Variants in GPRIN3 observed in about 807,000 individuals in gnomAD.
GPRIN3 encodes the protein GPRIN family member 3.
Under a neutral mutation model 13.7 loss-of-function variants are expected in GPRIN3, and 12 were observed. The observed-to-expected ratio is 0.87, with a 90% CI of 0.56 to 1.42. The LOEUF is 1.42. Among genes scored for constraint, GPRIN3 ranks in the 40% most tolerant of loss-of-function variants. The probability of loss-of-function intolerance (pLI) is 0.00; values close to 1 mark genes in which losing one functional copy is unlikely to be tolerated. For synonymous variants in GPRIN3, 377 were observed against 372.7 expected, an observed-to-expected ratio of 1.01 and a Z score of -0.13; for missense variants, 1,009 against 958.7, an observed-to-expected ratio of 1.05 and a Z score of -0.69.
At chr4:89,278,312 C>G (rs1041485055) in intron 1 of GPRIN3, among the ~76,000 whole-genome samples, 1 of 152,168 alleles carries the variant, frequency 6.6e-6, no homozygotes. Flanking sequence ...CTCCAAAATT[C>G]TGTAAAAACA....
In GPRIN3 at chr4:89,247,919, G is replaced by T. The variant is rs202172344; in HGVS notation, c.2192C>A (p.Thr731Asn). ...AGTATCTGAGGAAATGGATCTCCGG[G>T]TCTGGCTATTTTGAGTTTTGATTAA... ...EKLIKTQNSQ[T>N]RRSISSDTSS... The change falls in exon 2 of 2, where the codon ACC (threonine) becomes AAC (asparagine). Residue 731 changes from threonine (T) to asparagine (N), a missense_variant. Physicochemically the swap from Thr to Asn is moderately conservative, Grantham distance 65. Coordinates refer to ENST00000609438, the MANE Select transcript of GPRIN3 (RefSeq NM_198281.3). 1.1e-4 allele frequency: 185 copies of T among 1,614,180 alleles called. No individual in the cohort carries two copies. In the East Asian group the frequency reaches 1.9e-3, roughly 17 times the overall value.
chr4:89,275,136 CTGTG>C (rs56091424), intron 1 of GPRIN3, among the ~76,000 whole-genome samples: 7 of 149,148 alleles, frequency 4.7e-5, no homozygotes, highest in East Asian at 2.0e-4. Flanking sequence ...CTAAGTAACT[CTGTG>C]TGTGTGTGTG....
In GPRIN3 at chr4:89,281,474, G is replaced by A. The variant is rs146648253; in HGVS notation, c.-124+26141C>T. On this transcript the variant is annotated intron_variant, in intron 1 of 1. Transcript: ENST00000609438. ...TCTCACAGAGAAGTCACTCACTGTC[G>A]TGAAGACAGCACTAAGAGGATGGTA... Among the ~76,000 whole-genome samples, 560 of 152,250 alleles carry A rather than the reference G, an allele frequency of 3.7e-3. 3 individuals carry two copies. Among genetic ancestry groups the A allele is most frequent in the African/African-American group, 0.012 (493 of 41,544 alleles).
chr4:89,261,982 C>T (rs996202018), intron 1 of GPRIN3, among the ~76,000 whole-genome samples: 2 of 151,820 alleles, frequency 1.3e-5, no homozygotes, highest in Non-Finnish European at 2.9e-5. Flanking sequence ...ATTAGCCTGG[C>T]ATGGTGGCAC....
At chr4:89,293,994 GTATGT>G (rs1197909906) in intron 1 of GPRIN3, among the ~76,000 whole-genome samples, 1 of 152,188 alleles carries the variant, frequency 6.6e-6, no homozygotes, top group African/African-American at 2.4e-5. Flanking sequence ...CTGAGCCTAA[GTATGT>G]TATTTTATTC....
rs1722859130 is a variant in GPRIN3 at position 89,239,171 on chromosome 4, G to A, written c.*8609C>T. On this transcript the variant is annotated 3_prime_UTR_variant, in exon 2 of 2. Transcript: ENST00000609438. ...GACATTATAAAAAAACATAACTTTG[G>A]ATTTTAATATTAATACATTCATAAA... The A allele has an allele frequency of 2.0e-5, 3 of 151,850 alleles. No homozygotes were observed. The highest frequency in any genetic ancestry group is 1.3e-4 in the Admixed American group (2 of 15,250). 9.4% of individuals were successfully genotyped at this position (151,850 alleles called of 1,614,324 possible).
At chr4:89,258,976 G>A (rs935697721) in intron 1 of GPRIN3, among the ~76,000 whole-genome samples, 3 of 152,188 alleles carry the variant, frequency 2.0e-5, no homozygotes, top group Admixed American at 1.3e-4. Context: ...AAACAATCGT[G>A]AGTTATTATT....
chr4:89,290,184 G>T (rs759978121), intron 1 of GPRIN3, among the ~76,000 whole-genome samples: 13 of 151,740 alleles, frequency 8.6e-5, no homozygotes, highest in Non-Finnish European at 1.9e-4. Flanking sequence ...TTGCAGGCTG[G>T]CCTCAAACTC....
In GPRIN3 at chr4:89,248,566, A is replaced by G. The variant is rs1274761730; in HGVS notation, c.1545T>C (p.Cys515=). ...TDPDCKLSDS[C]GSISKADHSG... ...AATGATCAGCTTTGCTGATAGAGCCACAAGAGTCAGATAGTTTGCAATCTG... is the reference window on the plus strand; with the variant it reads ...AATGATCAGCTTTGCTGATAGAGCCGCAAGAGTCAGATAGTTTGCAATCTG... Residue 515 remains cysteine (C), a synonymous_variant, in exon 2 of 2, where the codon TGT becomes TGC. Coordinates refer to ENST00000609438, the MANE Select transcript of GPRIN3 (RefSeq NM_198281.3). The G allele has an allele frequency of 6.2e-7, 1 of 1,613,342 alleles. No individual in the cohort carries two copies. Among genetic ancestry groups the G allele is most frequent in the South Asian group, 1.1e-5 (1 of 91,076 alleles).
At chr4:89,284,767 T>TAAA (rs1724354030) in intron 1 of GPRIN3, among the ~76,000 whole-genome samples, 1 of 152,198 alleles carries the variant, frequency 6.6e-6, no homozygotes, top group Non-Finnish European at 1.5e-5. Flanking sequence ...TCCTTGCCTT[T>TAAA]AGCTTTCAAG....
intron 1 of GPRIN3, among the ~76,000 whole-genome samples, chr4:89,270,341 C>T (rs1240936543): frequency 6.7e-6 from 1 of 149,498 alleles, no homozygotes; most frequent in African/African-American, 2.5e-5. Flanking sequence ...AACAAACAAA[C>T]AAAAAAACAA....
intron 1 of GPRIN3, among the ~76,000 whole-genome samples, chr4:89,296,590 T>C (rs755718294): frequency 4.6e-5 from 7 of 152,216 alleles, no homozygotes; most frequent in Non-Finnish European, 1.0e-4. Flanking sequence ...GTTCTATAAA[T>C]AGTTTCTAGG....
Position 89,246,538 on chromosome 4 carries a change from G to C in GPRIN3, c.*1242C>G, listed in dbSNP as rs1054183660. ...CACCCAAATCACAAGCCATGTTTTC[G>C]TAAAGGCCTCTTCTTTCATTGGGTT... On this transcript the variant is annotated 3_prime_UTR_variant, in exon 2 of 2. Coordinates refer to ENST00000609438, the MANE Select transcript of GPRIN3 (RefSeq NM_198281.3). 1 of 152,124 alleles carries C rather than the reference G, an allele frequency of 6.6e-6. No individual in the cohort carries two copies. The highest frequency in any genetic ancestry group is 2.4e-5 in the African/African-American group (1 of 41,396). 9.4% of individuals were successfully genotyped at this position (152,124 alleles called of 1,614,324 possible).
chr4:89,260,246 A>T (rs1021771954), intron 1 of GPRIN3, among the ~76,000 whole-genome samples: 1 of 152,144 alleles, frequency 6.6e-6, no homozygotes, highest in Non-Finnish European at 1.5e-5. Context: ...AACACAGAGA[A>T]ACCCAGGAAT....
chr4:89,298,906 G>A (rs1039066318), intron 1 of GPRIN3, among the ~76,000 whole-genome samples: 27 of 151,984 alleles, frequency 1.8e-4, no homozygotes, highest in Middle Eastern at 6.8e-3. Context: ...CCTCCCTCTC[G>A]GAGGCTCAGA....
Position 89,249,318 on chromosome 4 carries a change from G to T in GPRIN3, c.793C>A (p.Pro265Thr). Residue 265 changes from proline to threonine, a missense_variant, in exon 2 of 2, where the codon CCT becomes ACT. By Grantham distance (38) the Pro-to-Thr change is conservative. Coordinates refer to ENST00000609438, the MANE Select transcript of GPRIN3 (RefSeq NM_198281.3). ...SGPQGTTSVT[P>T]QPTPLTSEPS... Reference sequence around the variant, plus strand: ...TCGCTAGTGAGGGGGGTTGGTTGAGGTGTCACAGAAGTTGTGCCTTGGGGG... The same window carrying T: ...TCGCTAGTGAGGGGGGTTGGTTGAGTTGTCACAGAAGTTGTGCCTTGGGGG... 1 of 1,614,124 alleles carries T rather than the reference G, an allele frequency of 6.2e-7. No homozygotes were observed.
intron 1 of GPRIN3, among the ~76,000 whole-genome samples, chr4:89,270,938 A>G (rs1578093872): frequency 1.3e-5 from 2 of 152,192 alleles, no homozygotes; most frequent in East Asian, 1.9e-4. Context: ...CAAACATTTC[A>G]TAGGCTACAA....
intron 1 of GPRIN3, among the ~76,000 whole-genome samples, chr4:89,290,565 C>G (rs1268840689): frequency 1.3e-5 from 2 of 152,068 alleles, no homozygotes; most frequent in African/African-American, 4.8e-5. Flanking sequence ...TCCTGATACC[C>G]TCAGCAGGAA....
At chr4:89,256,169 T>C (rs1006199452) in intron 1 of GPRIN3, among the ~76,000 whole-genome samples, 6 of 152,124 alleles carry the variant, frequency 3.9e-5, no homozygotes, top group Non-Finnish European at 7.4e-5. Flanking sequence ...TTATTAACTG[T>C]AACCATGAGA....
Sources: allele counts gnomAD v4.1 joint callset (sites outside exome capture counted in the v4.1 genomes callset), GRCh38; gene constraint gnomAD v4.1.1; transcripts MANE v1.5; gene names NCBI Gene and HGNC (gene_info 2026-07-23, HGNC 2026-07-21).